SPPL3: variants seen among roughly 807,000 people sequenced by gnomAD.
SPPL3 encodes signal peptide peptidase like 3, also known as signal peptide peptidase-like 3.
A neutral mutation model predicts 42.4 loss-of-function variants in SPPL3; 5 were observed. The observed-to-expected ratio is 0.12, with a 90% CI of 0.06 to 0.25. The LOEUF (loss-of-function observed/expected upper bound fraction) is 0.25, where lower values mean the gene tolerates loss of function less well. Among genes scored for constraint, SPPL3 ranks in the 10% least tolerant of loss-of-function variants. The pLI, the probability that SPPL3 is intolerant of heterozygous loss-of-function variation, is 1.00. For missense variants in SPPL3, 235 were observed against 489.0 expected (o/e 0.48, Z 4.90); for synonymous variants, 195 against 181.8 (o/e 1.07, Z -0.58).
chr12:120,815,158 G>A (rs1451101315), intron 1 of SPPL3, among the ~76,000 whole-genome samples: 4 of 152,136 alleles, frequency 2.6e-5, no homozygotes, highest in Non-Finnish European at 5.9e-5. Context: ...CAGATTGCTG[G>A]CTCAAAGGGG....
At chr12:120,845,998 A>G (rs573321962) in intron 1 of SPPL3, among the ~76,000 whole-genome samples, 1 of 152,106 alleles carries the variant, frequency 6.6e-6, no homozygotes, top group East Asian at 1.9e-4. Context: ...CCCGGGTTCA[A>G]GCGATTCTTA....
chr12:120,903,833 C>T lies in SPPL3; in HGVS notation c.23+12G>A, dbSNP rs1230068940. ...CTTGCCGCCTCCCGGCCTCCCGGAG[C>T]CCCGCACTCACCACGAGTAGGTCTG... On this transcript the variant is annotated intron_variant, in intron 1 of 10. Coordinates refer to ENST00000353487, the MANE Select transcript of SPPL3 (RefSeq NM_139015.5). 4 of 1,476,958 alleles carry T rather than the reference C, an allele frequency of 2.7e-6. No individual in the cohort carries two copies. Among genetic ancestry groups the T allele is most frequent in the Middle Eastern group, 2.3e-4 (1 of 4,306 alleles). 91.5% of individuals were successfully genotyped at this position (1,476,958 alleles called of 1,614,324 possible). A position where few individuals can be genotyped will look rare whatever the true frequency, so the allele number is the denominator to read the frequency against.
At chr12:120,901,947 C>T in intron 1 of SPPL3, 2 of 985,380 alleles carry the variant, frequency 2.0e-6, no homozygotes, top group Non-Finnish European at 2.4e-6. Context: ...CATCCAGGGC[C>T]TCTGTACAGC....
rs1869541007 is a variant in SPPL3, at chr12:120,781,555, G to GTGTTTTTTTTTTTTT, written c.502+1099_502+1100insAAAAAAAAAAAAACA. ...TCTAATCCCATCTCCTTATTGTTAC[G>GTGTTTTTTTTTTTTT]TTTTTTTTTTTTTTTTTTTTTTTTT... On this transcript the variant is annotated intron_variant, in intron 6 of 10. Transcript: ENST00000353487. Among the ~76,000 whole-genome samples, 25 of 63,010 alleles carry GTGTTTTTTTTTTTTT rather than the reference G, an allele frequency of 4.0e-4. 3 individuals are homozygous for GTGTTTTTTTTTTTTT. Among genetic ancestry groups the GTGTTTTTTTTTTTTT allele is most frequent in the Middle Eastern group, 0.011 (1 of 92 alleles). The allele number at this position is 63,010 out of a possible 152,430, so 41.3% of individuals were successfully genotyped here.
At chr12:120,809,380 G>A (rs180977759) in intron 2 of SPPL3, among the ~76,000 whole-genome samples, 8 of 151,908 alleles carry the variant, frequency 5.3e-5, no homozygotes, top group Middle Eastern at 3.4e-3. Flanking sequence ...TTTTATCGGT[G>A]TATACTGAAA....
chr12:120,881,326 G>A (rs960859258), intron 1 of SPPL3, among the ~76,000 whole-genome samples: 15 of 150,692 alleles, frequency 1.0e-4, no homozygotes, highest in African/African-American at 3.2e-4. Context: ...AAAATTAGCT[G>A]GGCGTGTTGG....
chr12:120,790,482 C>T (rs1222764728), intron 3 of SPPL3, among the ~76,000 whole-genome samples: 1 of 152,238 alleles, frequency 6.6e-6, no homozygotes, highest in African/African-American at 2.4e-5. Flanking sequence ...CATTTCCTCT[C>T]TCTTAGGTGG....
chr12:120,822,477 T>C (rs1871102807), intron 1 of SPPL3, among the ~76,000 whole-genome samples: 1 of 152,188 alleles, frequency 6.6e-6, no homozygotes, highest in South Asian at 2.1e-4. Context: ...GAAGAAAATT[T>C]CCAGTGACTT....
intron 2 of SPPL3, among the ~76,000 whole-genome samples, chr12:120,804,461 T>C (rs7137088): frequency 2.1e-4 from 32 of 152,086 alleles, no homozygotes; most frequent in African/African-American, 7.2e-4. Flanking sequence ...AGAAGAGACA[T>C]AGATGGCAAA....
chr12:120,864,486 G>T (rs1322299074), intron 1 of SPPL3, among the ~76,000 whole-genome samples: 2 of 152,118 alleles, frequency 1.3e-5, no homozygotes, highest in Non-Finnish European at 2.9e-5. Context: ...AGCGAGCCGA[G>T]ATCATGCCAT....
chr12:120,865,985 G>C (rs997937166), intron 1 of SPPL3, among the ~76,000 whole-genome samples: 1 of 152,180 alleles, frequency 6.6e-6, no homozygotes, highest in African/African-American at 2.4e-5. Context: ...GAGGGATCTA[G>C]GTTGTGTGCT....
At chr12:120,771,394 T>A (rs1251061860) in intron 6 of SPPL3, among the ~76,000 whole-genome samples, 1 of 152,164 alleles carries the variant, frequency 6.6e-6, no homozygotes, top group Non-Finnish European at 1.5e-5. Context: ...CTGAACGATC[T>A]CCTCCCAGAA....
intron 1 of SPPL3, among the ~76,000 whole-genome samples, chr12:120,862,406 T>C (rs147169131): frequency 5.0e-4 from 76 of 152,302 alleles, no homozygotes; most frequent in African/African-American, 1.7e-3. Context: ...ATTGCCTCTA[T>C]TTCAGGTGCC....
At chr12:120,861,234 G>T (rs1360912492) in intron 1 of SPPL3, among the ~76,000 whole-genome samples, 1 of 152,062 alleles carries the variant, frequency 6.6e-6, no homozygotes, top group Non-Finnish European at 1.5e-5. Context: ...AGCCATAGAT[G>T]ATATGTAAAC....
At chr12:120,894,614 T>C (rs1004289348) in intron 1 of SPPL3, among the ~76,000 whole-genome samples, 4 of 152,056 alleles carry the variant, frequency 2.6e-5, no homozygotes, top group Admixed American at 2.0e-4. Context: ...TGAAGGGAAG[T>C]GGGTGTGCCT....
chr12:120,892,377 G>A (rs1465299789), intron 1 of SPPL3, among the ~76,000 whole-genome samples: 1 of 152,150 alleles, frequency 6.6e-6, no homozygotes, highest in East Asian at 1.9e-4. Flanking sequence ...GTAGACATCA[G>A]AAGAACATTT....
chr12:120,864,936 A>G (rs1276646405), intron 1 of SPPL3, among the ~76,000 whole-genome samples: 1 of 152,214 alleles, frequency 6.6e-6, no homozygotes, highest in Admixed American at 6.5e-5. Context: ...TGTGGAATAC[A>G]ATGTCTATGA....
intron 1 of SPPL3, among the ~76,000 whole-genome samples, chr12:120,853,792 G>A (rs1037398128): frequency 2.0e-5 from 3 of 152,040 alleles, no homozygotes; most frequent in African/African-American, 7.2e-5. Flanking sequence ...GCTACTACTA[G>A]TCCAAAGACC....
At chr12:120,876,864 G>A (rs1873118056) in intron 1 of SPPL3, among the ~76,000 whole-genome samples, 1 of 148,796 alleles carries the variant, frequency 6.7e-6, no homozygotes. Flanking sequence ...AAAGAAAGAA[G>A]GACGTGATAA....
Sources: allele counts gnomAD v4.1 joint callset (sites outside exome capture counted in the v4.1 genomes callset), GRCh38; gene constraint gnomAD v4.1.1; transcripts MANE v1.5; gene names NCBI Gene and HGNC (gene_info 2026-07-23, HGNC 2026-07-21).